The following MTUS1 variants were observed in gnomAD, a reference collection of about 807,000 sequenced individuals.
MTUS1 encodes microtubule-associated tumor suppressor 1.
MTUS1 carries 109 observed loss-of-function variants against 120.8 expected under a neutral mutation model. That is an observed-to-expected ratio of 0.90 (90% CI 0.77 to 1.06). The LOEUF (loss-of-function observed/expected upper bound fraction) is 1.06. Ranked by LOEUF, MTUS1 falls within the 50% of genes least tolerant of loss-of-function variation. The pLI is 0.00. For synonymous variants in MTUS1, 737 were observed against 550.5 expected (o/e 1.34, Z -4.74); for missense variants, 2,210 against 1,486.3 (o/e 1.49, Z -8.01).
At chr8:17,695,851 T>C (rs927486999) in intron 6 of MTUS1, among the ~76,000 whole-genome samples, 3 of 152,298 alleles carry the variant, frequency 2.0e-5, no homozygotes, top group South Asian at 2.1e-4. Context: ...ACTGGAAACG[T>C]GCAAGAACAC....
chr8:17,713,556 C>G (rs930662204), intron 5 of MTUS1, among the ~76,000 whole-genome samples: 1 of 152,190 alleles, frequency 6.6e-6, no homozygotes, highest in South Asian at 2.1e-4. Flanking sequence ...CAAGTTTTAA[C>G]AGTACTGAAT....
Position 17,675,051 on chromosome 8 carries a change from T to C in MTUS1, c.2905+135A>G, listed in dbSNP as rs1812799457. On this transcript the variant is annotated intron_variant, in intron 8 of 14. Coordinates refer to ENST00000693296, the MANE Select transcript of MTUS1 (RefSeq NM_001363059.2). ...TCAAAAGAAATGTCGATAGTAAGTGTTTGCCCAGATACTAGACAGGGAGTG... is the reference window on the plus strand; with the variant it reads ...TCAAAAGAAATGTCGATAGTAAGTGCTTGCCCAGATACTAGACAGGGAGTG... 4 of 1,494,124 alleles carry C rather than the reference T, an allele frequency of 2.7e-6. No individual in the cohort carries two copies. The African/African-American group carries it at 5.6e-5, about 21-fold the overall frequency. The allele number at this position is 1,494,124 out of a possible 1,614,324, so 92.6% of individuals were successfully genotyped here.
Position 17,776,137 on chromosome 8 carries a change from T to C in MTUS1, c.-154-20176A>G, listed in dbSNP as rs1160935860. On this transcript the variant is annotated intron_variant, in intron 1 of 14. Transcript: ENST00000693296. ...TCAGCCAACTGCAGATTGAACATAG[T>C]CGGGAGAAAAAAAAACAACAATACA... 2.6e-5 allele frequency among the ~76,000 whole-genome samples: 4 copies of C among 151,792 alleles called. No individual in the cohort carries two copies. The East Asian group carries it at 7.7e-4, about 29-fold the overall frequency.
intron 13 of MTUS1, among the ~76,000 whole-genome samples, chr8:17,649,361 G>A (rs994657002): frequency 1.3e-5 from 2 of 152,106 alleles, no homozygotes; most frequent in South Asian, 2.1e-4. Context: ...CCCAGCCCAC[G>A]ATTCTTTTAT....
At chr8:17,700,995 T>A (rs1487370101) in intron 6 of MTUS1, among the ~76,000 whole-genome samples, 2 of 152,196 alleles carry the variant, frequency 1.3e-5, no homozygotes, top group African/African-American at 4.8e-5. Context: ...GACAAGAATC[T>A]AGCATAATCT....
chr8:17,777,380 A>C (rs1288099460), intron 1 of MTUS1, among the ~76,000 whole-genome samples: 2 of 151,814 alleles, frequency 1.3e-5, no homozygotes, highest in East Asian at 1.9e-4. Flanking sequence ...CAGAGGCTGC[A>C]GTGAGTTGAG....
At chr8:17,733,271 A>C (rs1015559975) in intron 3 of MTUS1, among the ~76,000 whole-genome samples, 4 of 152,008 alleles carry the variant, frequency 2.6e-5, no homozygotes, top group Non-Finnish European at 5.9e-5. Context: ...GAATCGCTTA[A>C]ACCAGGGAGG....
rs562030194 is a variant in MTUS1, at chr8:17,732,373, T to C, written c.2288-8540A>G. ...TGCCAACAGTATTGGATGCAATTGG[T>C]TCCTCCTTTCTTCTTGAAAGGCTTT... On this transcript the variant is annotated intron_variant, in intron 3 of 14. Coordinates refer to ENST00000693296, the MANE Select transcript of MTUS1 (RefSeq NM_001363059.2). Among the ~76,000 whole-genome samples, 3 of 152,304 alleles carry C rather than the reference T, an allele frequency of 2.0e-5. No individual in the cohort carries two copies. In the South Asian group the frequency reaches 6.2e-4, roughly 32 times the overall value.
At chr8:17,653,397 G>A (rs376205873) in intron 11 of MTUS1, 28 bp downstream of exon 11, 2 of 1,553,142 alleles carry the variant, frequency 1.3e-6, no homozygotes, top group Admixed American at 1.9e-5. Context: ...TTTTTGTGGG[G>A]GATACTGGGA....
intron 14 of MTUS1, 147 bp from the exon 15 acceptor site, chr8:17,646,286 G>C: frequency 2.0e-6 from 2 of 976,344 alleles, no homozygotes; most frequent in Non-Finnish European, 2.9e-6. Context: ...TATTTGGCTG[G>C]CTAAGAAAAC....
At chr8:17,719,833 C>T (rs887353495) in intron 4 of MTUS1, among the ~76,000 whole-genome samples, 1 of 152,188 alleles carries the variant, frequency 6.6e-6, no homozygotes. Flanking sequence ...ATAAGATCCA[C>T]CCTATTCTTT....
chr8:17,681,391 A>C lies in MTUS1; in HGVS notation c.2838+2937T>G, dbSNP rs577145800. 2.6e-5 allele frequency among the ~76,000 whole-genome samples: 4 copies of C among 152,342 alleles called. No homozygotes were observed. The South Asian group carries it at 6.2e-4, about 24-fold the overall frequency. On this transcript the variant is annotated intron_variant, in intron 7 of 14. Transcript: ENST00000693296. Reference sequence around the variant, plus strand: ...CGTGAACAATGGATGACGTACAGGAAGTTTACAGGACATTTTTAGTTGATA... The same window carrying C: ...CGTGAACAATGGATGACGTACAGGACGTTTACAGGACATTTTTAGTTGATA...
At chr8:17,730,578 A>G (rs1310658520) in intron 3 of MTUS1, among the ~76,000 whole-genome samples, 1 of 152,154 alleles carries the variant, frequency 6.6e-6, no homozygotes, top group East Asian at 1.9e-4. Flanking sequence ...AAAATGTGGA[A>G]GCAACCCTAC....
chr8:17,649,751 C>A, intron 13 of MTUS1, 95 bp downstream of exon 13: 3 of 709,510 alleles, frequency 4.2e-6, no homozygotes, highest in South Asian at 1.7e-5. Context: ...TCTTTAGGAG[C>A]AGTTAACCCA....
chr8:17,687,037 G>C (rs1815957071), intron 6 of MTUS1, among the ~76,000 whole-genome samples: 1 of 152,136 alleles, frequency 6.6e-6, no homozygotes, highest in African/African-American at 2.4e-5. Context: ...AACTACACAG[G>C]AATCTAAACA....
intron 1 of MTUS1, among the ~76,000 whole-genome samples, chr8:17,771,769 A>G (rs2050041318): frequency 6.6e-6 from 1 of 152,272 alleles, no homozygotes. Context: ...CACTCATGGA[A>G]AAGAGATCGA....
intron 1 of MTUS1, among the ~76,000 whole-genome samples, chr8:17,794,381 A>T (rs1475796753): frequency 6.6e-6 from 1 of 152,098 alleles, no homozygotes; most frequent in Admixed American, 6.6e-5. Flanking sequence ...AACAGCAAGG[A>T]TTTTTACTCA....
intron 3 of MTUS1, among the ~76,000 whole-genome samples, chr8:17,741,278 C>T (rs1002373259): frequency 1.3e-5 from 2 of 152,260 alleles, no homozygotes; most frequent in South Asian, 4.1e-4. Context: ...AGCCCTGTCT[C>T]CAAACACAAT....
Position 17,653,209 on chromosome 8 carries a change from T to C in MTUS1, c.3361A>G (p.Arg1121Gly). Residue 1121 changes from arginine (R) to glycine (G), a missense_variant, in exon 12 of 15, where the codon AGA becomes GGA. By Grantham distance (125) the Arg-to-Gly change is moderately radical. Transcript: ENST00000693296. ...ACCAAATTTGCTTTTTCTCTTGCTC[T>C]TCTTTTTTGTTCTTCTGATTTCAAT... The part of the protein sequence containing the change: ...EKLKSEEQKR[R>G]AREKANLKNP... 2 of 1,549,236 alleles carry C rather than the reference T, an allele frequency of 1.3e-6. No individual in the cohort carries two copies. The highest frequency in any genetic ancestry group is 2.3e-5 in the Admixed American group (1 of 42,928).
Sources: gnomAD v4.1 joint callset for allele counts (sites outside exome capture counted in the v4.1 genomes callset) on GRCh38, gnomAD v4.1.1 for gene constraint, MANE v1.5 for transcripts, NCBI Gene and HGNC (gene_info 2026-07-23, HGNC 2026-07-21) for gene names.